Variants in ZNF385D observed in about 807,000 individuals in gnomAD.
ZNF385D encodes zinc finger protein 385D, also known as zinc finger protein 659.
Under a neutral mutation model 35.8 loss-of-function variants are expected in ZNF385D, and 15 were observed. That is an observed-to-expected ratio of 0.42 (90% CI 0.28 to 0.64). The LOEUF (loss-of-function observed/expected upper bound fraction) is 0.64. Among genes scored for constraint, ZNF385D ranks in the 30% least tolerant of loss-of-function variants. The pLI is 0.23. For synonymous variants in ZNF385D, 212 were observed against 186.8 expected (o/e 1.13, Z -1.10); for missense variants, 474 against 494.6 (o/e 0.96, Z 0.39).
At chr3:21,538,031 A>G (rs1222883659) in intron 3 of ZNF385D, among the ~76,000 whole-genome samples, 1 of 152,070 alleles carries the variant, frequency 6.6e-6, no homozygotes. Context: ...TATATGTAAC[A>G]TTCTGTAAGA....
chr3:22,098,290 G>A (rs1340694040), intron 3 of ZNF385D, among the ~76,000 whole-genome samples: 1 of 151,978 alleles, frequency 6.6e-6, no homozygotes, highest in Non-Finnish European at 1.5e-5. Flanking sequence ...TGACTTTATT[G>A]CTCTGGGAAG....
At chr3:21,926,246 T>C (rs997112212) in intron 3 of ZNF385D, among the ~76,000 whole-genome samples, 8 of 152,094 alleles carry the variant, frequency 5.3e-5, no homozygotes, top group Non-Finnish European at 1.2e-4. Flanking sequence ...AAACCTGTCA[T>C]CTTCATTAGG....
At chr3:21,906,433 A>C (rs916847130) in intron 3 of ZNF385D, among the ~76,000 whole-genome samples, 6 of 152,180 alleles carry the variant, frequency 3.9e-5, no homozygotes, top group Non-Finnish European at 8.8e-5. Flanking sequence ...GCCCTAAATA[A>C]AACATTACCT....
chr3:22,022,894 T>G (rs1697308043), intron 3 of ZNF385D, among the ~76,000 whole-genome samples: 1 of 152,138 alleles, frequency 6.6e-6, no homozygotes, highest in Admixed American at 6.6e-5. Flanking sequence ...CTTTGTATAC[T>G]TATTTAGCAC....
chr3:21,453,186 A>G (rs1702570194), intron 4 of ZNF385D, among the ~76,000 whole-genome samples: 2 of 150,736 alleles, frequency 1.3e-5, no homozygotes, highest in Non-Finnish European at 3.0e-5. Context: ...AAAAAAATGA[A>G]GTTGGACCCC....
intron 5 of ZNF385D, among the ~76,000 whole-genome samples, chr3:21,434,468 C>A (rs1701453670): frequency 6.6e-6 from 1 of 152,096 alleles, no homozygotes; most frequent in South Asian, 2.1e-4. Context: ...TTCCCCATAC[C>A]ACACCCTAGG....
intron 2 of ZNF385D, among the ~76,000 whole-genome samples, chr3:21,644,740 A>C (rs1219290852): frequency 6.6e-6 from 1 of 152,214 alleles, no homozygotes; most frequent in Non-Finnish European, 1.5e-5. Flanking sequence ...GAAGAAAAAA[A>C]AGTAAATTTC....
chr3:21,973,690 C>A (rs998429711), intron 3 of ZNF385D, among the ~76,000 whole-genome samples: 1 of 151,952 alleles, frequency 6.6e-6, no homozygotes, highest in African/African-American at 2.4e-5. Context: ...AAGACTCTGA[C>A]AGAAAACCAC....
chr3:21,658,139 C>T (rs527545614), intron 2 of ZNF385D, among the ~76,000 whole-genome samples: 3 of 152,140 alleles, frequency 2.0e-5, no homozygotes, highest in Non-Finnish European at 4.4e-5. Context: ...ATACTTAATG[C>T]TGTCTTAGAG....
At chr3:22,208,983 G>T (rs1195940486) in intron 2 of ZNF385D, among the ~76,000 whole-genome samples, 1 of 151,756 alleles carries the variant, frequency 6.6e-6, no homozygotes, top group East Asian at 1.9e-4. Context: ...AGATTCCAAG[G>T]TGATCCCCCA....
chr3:21,550,139 C>T (rs1477884268), intron 3 of ZNF385D, among the ~76,000 whole-genome samples: 1 of 152,022 alleles, frequency 6.6e-6, no homozygotes. Context: ...TTCAAGCATA[C>T]TTATAAAGAA....
chr3:22,279,646 TATA>T (rs199595457), intron 2 of ZNF385D, among the ~76,000 whole-genome samples: 49,767 of 126,836 alleles, frequency 0.39, 11,316 homozygotes, highest in African/African-American at 0.44. Flanking sequence ...ATTTTATATA[TATA>T]TATATGCACA....
At chr3:22,158,957 A>G (rs1200849599) in intron 3 of ZNF385D, among the ~76,000 whole-genome samples, 1 of 152,104 alleles carries the variant, frequency 6.6e-6, no homozygotes, top group African/African-American at 2.4e-5. Context: ...ACAAAAGTTA[A>G]AAAGCTTATA....
chr3:22,332,763 AAAG>A (rs1694996944), intron 2 of ZNF385D, among the ~76,000 whole-genome samples: 1 of 152,194 alleles, frequency 6.6e-6, no homozygotes, highest in African/African-American at 2.4e-5. Flanking sequence ...TTATCCTGTG[AAAG>A]AATAAGCATG....
At chr3:21,703,629 C>A (rs1575493453) in intron 1 of ZNF385D, among the ~76,000 whole-genome samples, 2 of 151,270 alleles carry the variant, frequency 1.3e-5, no homozygotes, top group Middle Eastern at 3.4e-3. Flanking sequence ...GTTACTGCAA[C>A]CTTGTAAATA....
At chr3:22,099,845 G>T (rs1030361915) in intron 3 of ZNF385D, among the ~76,000 whole-genome samples, 3 of 152,032 alleles carry the variant, frequency 2.0e-5, no homozygotes, top group Non-Finnish European at 4.4e-5. Context: ...AGAATGAACA[G>T]ATTGGAGCCT....
intron 3 of ZNF385D, among the ~76,000 whole-genome samples, chr3:22,150,467 C>T (rs17010901): frequency 0.05 from 7,586 of 151,984 alleles, 234 homozygotes; most frequent in Middle Eastern, 0.061. Context: ...GGCCAAAAAA[C>T]CCTTCAGATC....
chr3:21,750,141 A>G (rs1256709921), intron 1 of ZNF385D, among the ~76,000 whole-genome samples: 1 of 152,244 alleles, frequency 6.6e-6, no homozygotes, highest in African/African-American at 2.4e-5. Flanking sequence ...CTCCTGTACT[A>G]GCAGTAAGTT....
At chr3:22,179,900 T>C (rs1224975758) in intron 2 of ZNF385D, among the ~76,000 whole-genome samples, 1 of 152,000 alleles carries the variant, frequency 6.6e-6, no homozygotes, top group Non-Finnish European at 1.5e-5. Flanking sequence ...AGCAAACACA[T>C]TCAAAAGCTA....
Sources: allele counts gnomAD v4.1 joint callset (sites outside exome capture counted in the v4.1 genomes callset), GRCh38; gene constraint gnomAD v4.1.1; transcripts MANE v1.5; gene names NCBI Gene and HGNC (gene_info 2026-07-23, HGNC 2026-07-21).